The following GLB1 variants were observed in gnomAD, a reference collection of about 807,000 sequenced individuals.
GLB1 encodes the protein galactosidase beta 1, also known as beta-galactosidase.
GLB1 carries 56 observed loss-of-function variants against 74.0 expected under a neutral mutation model. The ratio of observed to expected loss-of-function variants is 0.76; its 90% CI spans 0.61 to 0.94. The LOEUF is 0.94. Ranked by LOEUF, GLB1 falls within the 40% of genes least tolerant of loss-of-function variation. The pLI is 0.00. For missense variants in GLB1, 787 were observed against 845.5 expected, an observed-to-expected ratio of 0.93 and a Z score of 0.86; for synonymous variants, 323 against 323.6, an observed-to-expected ratio of 1.00 and a Z score of 0.02.
At chr3:33,077,766 T>C (rs1700175017) in intron 1 of GLB1, among the ~76,000 whole-genome samples, 1 of 151,914 alleles carries the variant, frequency 6.6e-6, no homozygotes, top group Non-Finnish European at 1.5e-5. Context: ...ACCGATTCTG[T>C]AAAAATACTC....
At chr3:33,035,385 T>C (rs910071768) in intron 10 of GLB1, among the ~76,000 whole-genome samples, 2 of 152,032 alleles carry the variant, frequency 1.3e-5, no homozygotes, top group Non-Finnish European at 2.9e-5. Flanking sequence ...TGAGCTATGA[T>C]TGCACCACTG....
At chr3:32,992,294 A>G (rs1464387836), downstream of GLB1, among the ~76,000 whole-genome samples, 1 of 152,180 alleles carries the variant, frequency 6.6e-6, no homozygotes, top group Non-Finnish European at 1.5e-5. Flanking sequence ...TTGTGTCCTC[A>G]GCCAAGCACA....
the GLB1 span, among the ~76,000 whole-genome samples, chr3:32,970,200 C>T: frequency 6.6e-6 from 1 of 152,202 alleles, no homozygotes; most frequent in Non-Finnish European, 1.5e-5. Flanking sequence ...AGACAGCCTA[C>T]AGGCTGCAGA....
At chr3:33,071,194 G>A (rs1699874436) in intron 2 of GLB1, among the ~76,000 whole-genome samples, 1 of 152,208 alleles carries the variant, frequency 6.6e-6, no homozygotes, top group South Asian at 2.1e-4. Flanking sequence ...TGATTTCAGG[G>A]TTCCCTGGAA....
intron 1 of GLB1, chr3:33,094,400 G>T: frequency 7.6e-7 from 1 of 1,322,026 alleles, no homozygotes; most frequent in Non-Finnish European, 9.8e-7. Context: ...AACCCACCTT[G>T]AATCCAAGCT....
In GLB1 at chr3:33,051,920, G is replaced by A; in HGVS notation, c.877C>T (p.Leu293Phe). 6.2e-7 allele frequency: 1 copy of A among 1,614,244 alleles called. No homozygotes were observed. Among genetic ancestry groups the A allele is most frequent in the Non-Finnish European group, 8.5e-7 (1 of 1,180,048 alleles). Residue 293 changes from leucine (L) to phenylalanine (F), a missense_variant, in exon 8 of 16, where the codon CTC becomes TTC. Physicochemically the swap from Leu to Phe is conservative, Grantham distance 22. Coordinates refer to ENST00000307363, the MANE Select transcript of GLB1 (RefSeq NM_000404.4). ...GCCCCACGGGCAAGTATATCATAGA[G>A]GGAGGAAGCCACTGCTTCGGTCTTG... The part of the protein sequence containing the change: ...TIKTEAVASS[L>F]YDILARGASV...
intron 1 of GLB1, among the ~76,000 whole-genome samples, chr3:33,077,693 T>G (rs1464418540): frequency 6.6e-6 from 1 of 151,926 alleles, no homozygotes; most frequent in Non-Finnish European, 1.5e-5. Context: ...CTTTTTTTTT[T>G]TTAACTAAAC....
At chr3:33,072,839 T>G in intron 1 of GLB1, 126 bp from the exon 2 acceptor site, 1 of 1,450,290 alleles carries the variant, frequency 6.9e-7, no homozygotes, top group Non-Finnish European at 9.4e-7. Flanking sequence ...ACTTAATGCT[T>G]GTTTTCTGAG....
chr3:33,073,972 C>T (rs1002332011), intron 1 of GLB1, among the ~76,000 whole-genome samples: 1 of 148,312 alleles, frequency 6.7e-6, no homozygotes, highest in Non-Finnish European at 1.5e-5. Context: ...TGCAGTGAAC[C>T]GTGTTCATGC....
intron 1 of GLB1, chr3:33,077,319 C>A: frequency 6.4e-7 from 1 of 1,562,196 alleles, no homozygotes; most frequent in Non-Finnish European, 8.7e-7. Context: ...AGGCATACAC[C>A]ACTTAGTAAA....
chr3:33,093,416 A>G lies in GLB1; in HGVS notation c.75+3595T>C. The G allele has an allele frequency of 1.2e-6, 2 of 1,613,908 alleles. No homozygotes were observed. Among genetic ancestry groups the G allele is most frequent in the Non-Finnish European group, 1.7e-6 (2 of 1,179,976 alleles). ...GATGTGAATGAAGCTGGCCCAGAGG[A>G]GCGACAGCCGTCCGCAGGACCGAGG... On this transcript the variant is annotated intron_variant, in intron 1 of 15. Coordinates refer to ENST00000307363, the MANE Select transcript of GLB1 (RefSeq NM_000404.4). This position sits in a 1 kb window ranked among gnomAD's most constrained non-coding sequence, Gnocchi z 6.0.
chr3:33,087,957 T>C lies in GLB1; in HGVS notation c.75+9054A>G, dbSNP rs1056058011. On this transcript the variant is annotated intron_variant, in intron 1 of 15. Transcript: ENST00000307363. ...TAAAATGCAAGAATGGTTTAACATA[T>C]AAAAATCAATCAATATAATACACCA... Among the ~76,000 whole-genome samples the C allele has an allele frequency of 5.9e-5, 9 of 152,042 alleles. No individual in the cohort carries two copies. The South Asian group carries it at 6.2e-4, about 10-fold the overall frequency.
intron 15 of GLB1, among the ~76,000 whole-genome samples, chr3:33,002,353 C>G (rs914280545): frequency 7.8e-6 from 1 of 127,978 alleles, no homozygotes; most frequent in African/African-American, 2.8e-5. Flanking sequence ...CCCTCCCTTC[C>G]TTCCTTCCTT....
chr3:33,026,688 AG>A (rs1460276820), intron 10 of GLB1, among the ~76,000 whole-genome samples: 1 of 152,168 alleles, frequency 6.6e-6, no homozygotes, highest in African/African-American at 2.4e-5. Flanking sequence ...TGGCTCAGCA[AG>A]ACCAGAAGAT....
At chr3:33,058,455 A>G (rs2125533565) in intron 5 of GLB1, among the ~76,000 whole-genome samples, 186 bp from the exon 6 acceptor site, 1 of 152,252 alleles carries the variant, frequency 6.6e-6, no homozygotes, top group Admixed American at 6.5e-5. Flanking sequence ...TTCACCATAA[A>G]AGTTTACCTC....
chr3:33,078,901 T>C (rs1575483506), intron 1 of GLB1, among the ~76,000 whole-genome samples: 1 of 152,166 alleles, frequency 6.6e-6, no homozygotes, highest in African/African-American at 2.4e-5. Context: ...TGGAGTGCAA[T>C]GGCTCAATCA....
chr3:32,979,865 A>AG, the GLB1 span, among the ~76,000 whole-genome samples: 3 of 149,110 alleles, frequency 2.0e-5, no homozygotes, highest in African/African-American at 7.5e-5. Context: ...AAAAAAAAAA[A>AG]AAAAAAAAAA....
At chr3:33,080,506 C>G (rs1361468177) in intron 1 of GLB1, among the ~76,000 whole-genome samples, 3 of 152,210 alleles carry the variant, frequency 2.0e-5, no homozygotes, top group Admixed American at 6.5e-5. Context: ...CCTTTCTGCC[C>G]CAACACTGGG....
chr3:33,021,465 A>G, intron 12 of GLB1, 101 bp downstream of exon 12: 1 of 1,276,116 alleles, frequency 7.8e-7, no homozygotes, highest in Admixed American at 2.0e-5. Flanking sequence ...GCATTTGCTT[A>G]CCATTTTGGC....
Sources: gnomAD v4.1 joint callset for allele counts (sites outside exome capture counted in the v4.1 genomes callset) on GRCh38, gnomAD v4.1.1 for gene constraint, Gnocchi (gnomAD v3.1) non-coding constraint, MANE v1.5 for transcripts, NCBI Gene and HGNC (gene_info 2026-07-23, HGNC 2026-07-21) for gene names.